Variants in DCC observed in about 807,000 individuals in gnomAD.
DCC encodes the protein DCC netrin 1 receptor, also known as netrin receptor DCC.
A neutral mutation model predicts 172.5 loss-of-function variants in DCC; 58 were observed. The ratio of observed to expected loss-of-function variants is 0.34; its 90% confidence interval spans 0.27 to 0.42. The LOEUF (loss-of-function observed/expected upper bound fraction) is 0.42. Ranked by LOEUF, DCC falls within the 10% of genes least tolerant of loss-of-function variation. DCC has a pLI of 1.00. For missense variants in DCC, 1,740 were observed against 1,791.0 expected (o/e 0.97, Z 0.51); for synonymous variants, 709 against 644.5 (o/e 1.10, Z -1.52).
rs192977693 is a variant in DCC, at chr18:52,925,183, C to T, written c.849-51C>T. ...GTCATTTAAAGCTCTGAGTATCTTG[C>T]TTAATATATACATATGTTAATTTAC... On this transcript the variant is annotated intron_variant, in intron 4 of 28. Transcript: ENST00000442544. The T allele has an allele frequency of 3.4e-4, 536 of 1,562,276 alleles. 1 individual carries two copies. In the Middle Eastern group the frequency reaches 3.5e-3, roughly 10 times the overall value.
At chr18:52,950,972 G>A (rs1394532332) in intron 5 of DCC, among the ~76,000 whole-genome samples, 10 of 87,284 alleles carry the variant, frequency 1.1e-4, no homozygotes, top group East Asian at 7.4e-4. Flanking sequence ...AAAAAAAAAA[G>A]TCTGAATATA....
At chr18:52,366,245 A>G (rs74959074) in intron 1 of DCC, among the ~76,000 whole-genome samples, 2 of 152,082 alleles carry the variant, frequency 1.3e-5, no homozygotes, top group East Asian at 3.9e-4. Context: ...GAATGAAGCC[A>G]CGGACCCTCG....
At chr18:52,436,532 A>G (rs1403368493) in intron 1 of DCC, among the ~76,000 whole-genome samples, 1 of 152,192 alleles carries the variant, frequency 6.6e-6, no homozygotes, top group African/African-American at 2.4e-5. Context: ...CCAACTTACC[A>G]TCTCCATTGT....
intron 27 of DCC, among the ~76,000 whole-genome samples, chr18:53,500,052 T>TAACA (rs1215350798): frequency 6.6e-5 from 10 of 152,148 alleles, no homozygotes; most frequent in African/African-American, 2.2e-4. Flanking sequence ...AGAAACTAAC[T>TAACA]AACATTTAGA....
At chr18:52,727,882 G>C (rs2036576055) in intron 1 of DCC, among the ~76,000 whole-genome samples, 2 of 152,170 alleles carry the variant, frequency 1.3e-5, no homozygotes, top group Non-Finnish European at 2.9e-5. Context: ...CCAGAACAAT[G>C]TATTCATAAT....
intron 5 of DCC, among the ~76,000 whole-genome samples, chr18:52,937,699 G>A (rs1303195779): frequency 6.6e-6 from 1 of 151,962 alleles, no homozygotes; most frequent in African/African-American, 2.4e-5. Context: ...TATTGCCGAG[G>A]CTGGTTTTGA....
chr18:53,334,388 T>G (rs1341785050), intron 14 of DCC, among the ~76,000 whole-genome samples: 1 of 152,194 alleles, frequency 6.6e-6, no homozygotes, highest in Non-Finnish European at 1.5e-5. Flanking sequence ...CTCTTTTTTT[T>G]CTGTTTTTGT....
chr18:52,575,205 G>A (rs2033381493), intron 1 of DCC, among the ~76,000 whole-genome samples: 1 of 152,124 alleles, frequency 6.6e-6, no homozygotes, highest in Non-Finnish European at 1.5e-5. Context: ...CCACATACCA[G>A]AACCATCTTC....
At chr18:52,884,925 A>G (rs569636986) in intron 2 of DCC, among the ~76,000 whole-genome samples, 44 of 152,260 alleles carry the variant, frequency 2.9e-4, no homozygotes, top group African/African-American at 9.9e-4. Context: ...AGGTACCACT[A>G]TGGTGGCCTT....
intron 1 of DCC, among the ~76,000 whole-genome samples, chr18:52,343,743 A>G (rs1983757263): frequency 6.6e-6 from 1 of 152,238 alleles, no homozygotes; most frequent in African/African-American, 2.4e-5. Context: ...ATTGAAAAAA[A>G]TCTGTGAGTG....
intron 15 of DCC, among the ~76,000 whole-genome samples, chr18:53,363,526 T>C (rs1369969073): frequency 6.6e-6 from 1 of 152,084 alleles, no homozygotes; most frequent in Admixed American, 6.6e-5. Flanking sequence ...ATGTGGGAGC[T>C]GCGTTCTTTT....
At chr18:53,298,527 CAAAAAAAAAAAAAA>C (rs61387067) in intron 12 of DCC, among the ~76,000 whole-genome samples, 1 of 33,080 alleles carries the variant, frequency 3.0e-5, no homozygotes, top group Admixed American at 4.7e-4. Context: ...GACCCTGACT[CAAAAAAAAAAAAAA>C]AAAAAAAAAA....
intron 22 of DCC, among the ~76,000 whole-genome samples, chr18:53,448,450 C>A (rs1000866407): frequency 4.7e-4 from 72 of 152,130 alleles, no homozygotes; most frequent in African/African-American, 1.7e-3. Context: ...GACCAGCATG[C>A]GGGTAAACAC....
At chr18:52,727,940 T>A (rs1670157966) in intron 1 of DCC, among the ~76,000 whole-genome samples, 2 of 151,954 alleles carry the variant, frequency 1.3e-5, no homozygotes, top group African/African-American at 4.8e-5. Context: ...AGAGAAAGAG[T>A]GGTTTTGCAT....
At chr18:53,256,531 G>A (rs576119975) in intron 12 of DCC, among the ~76,000 whole-genome samples, 11 of 152,122 alleles carry the variant, frequency 7.2e-5, no homozygotes, top group Non-Finnish European at 1.2e-4. Flanking sequence ...GTAATATGCG[G>A]CATTATTTCT....
chr18:53,072,005 G>C (rs182653768), intron 7 of DCC, among the ~76,000 whole-genome samples: 184 of 152,254 alleles, frequency 1.2e-3, no homozygotes, highest in African/African-American at 4.0e-3. Context: ...ACACATGCCT[G>C]TAATCCCAGC....
intron 1 of DCC, among the ~76,000 whole-genome samples, chr18:52,347,770 C>G (rs922313615): frequency 3.3e-5 from 5 of 152,200 alleles, no homozygotes; most frequent in African/African-American, 1.2e-4. Context: ...GTCACTTGTA[C>G]TTTGTACAAC....
chr18:52,838,548 GA>G (rs776062918), intron 2 of DCC, among the ~76,000 whole-genome samples: 9 of 152,148 alleles, frequency 5.9e-5, no homozygotes, highest in Non-Finnish European at 1.3e-4. Flanking sequence ...TTTATGGTAA[GA>G]AATCGATTAT....
intron 9 of DCC, among the ~76,000 whole-genome samples, chr18:53,193,484 CA>C (rs2055396531): frequency 7.3e-6 from 1 of 137,384 alleles, no homozygotes; most frequent in Non-Finnish European, 1.5e-5. Context: ...AAGCACTGCC[CA>C]TTTTTTTTTA....
Sources: gnomAD v4.1 joint callset for allele counts (sites outside exome capture counted in the v4.1 genomes callset) on GRCh38, gnomAD v4.1.1 for gene constraint, MANE v1.5 for transcripts, NCBI Gene and HGNC (gene_info 2026-07-23, HGNC 2026-07-21) for gene names.